RFTN1: variants seen among roughly 807,000 people sequenced by gnomAD.
The protein encoded by RFTN1 is raftlin, lipid raft linker 1.
In RFTN1, 26 loss-of-function variants were observed where a neutral mutation model predicts 46.5. The observed-to-expected ratio is 0.56, with a 90% CI of 0.41 to 0.78. The LOEUF (loss-of-function observed/expected upper bound fraction) is 0.78, where lower values mean the gene tolerates loss of function less well. Ranked by LOEUF, RFTN1 falls within the 30% of genes least tolerant of loss-of-function variation. The pLI is 0.00. For synonymous variants in RFTN1, 261 were observed against 284.2 expected (o/e 0.92, Z 0.82); for missense variants, 693 against 718.7 (o/e 0.96, Z 0.41).
chr3:16,364,558 G>A (rs1405179294), intron 6 of RFTN1, among the ~76,000 whole-genome samples: 1 of 152,162 alleles, frequency 6.6e-6, no homozygotes. Context: ...CTCTGCCTCG[G>A]TGGTTAGGGT....
At chr3:16,319,194 G>A (rs1357504639) in intron 9 of RFTN1, among the ~76,000 whole-genome samples, 1 of 151,970 alleles carries the variant, frequency 6.6e-6, no homozygotes, top group Admixed American at 6.6e-5. Flanking sequence ...ATCATTTTAC[G>A]TGTTTTTAGA....
rs1199964264 is a variant in RFTN1 at position 16,459,089 on chromosome 3, G to A, written c.146-25052C>T. ...AGCTGGGACCACAGGTGTGCACCAT[G>A]CCCAGCTAATTTTTTGTATTTTTTG... On this transcript the variant is annotated intron_variant, in intron 2 of 9. Coordinates refer to ENST00000334133, the MANE Select transcript of RFTN1 (RefSeq NM_015150.2). The surrounding 1 kb of genome is among the most constrained non-coding windows in gnomAD (Gnocchi z 4.2). Among the ~76,000 whole-genome samples the A allele has an allele frequency of 6.6e-6, 1 of 152,038 alleles. No homozygotes were observed. The highest frequency in any genetic ancestry group is 6.5e-5 in the Admixed American group (1 of 15,270).
chr3:16,435,917 A>AATATATATATATATATATATATAT (rs10575645), intron 2 of RFTN1, among the ~76,000 whole-genome samples: 10 of 142,360 alleles, frequency 7.0e-5, no homozygotes, highest in African/African-American at 2.7e-4. Flanking sequence ...CAGAGATGTA[A>AATATATATATATATATATATATAT]ATATATATAT....
At chr3:16,419,711 G>C (rs2125465566) in intron 3 of RFTN1, among the ~76,000 whole-genome samples, 1 of 152,298 alleles carries the variant, frequency 6.6e-6, no homozygotes, top group South Asian at 2.1e-4. Flanking sequence ...AAATAGTCAA[G>C]TAAACAAATC....
At position 16,481,244 on chromosome 3, in the gene RFTN1, A is replaced by G. The variant is rs1293204096; in HGVS notation, c.145+12481T>C. 2.6e-5 allele frequency among the ~76,000 whole-genome samples: 4 copies of G among 152,372 alleles called. No homozygotes were observed. The highest frequency in any genetic ancestry group is 3.4e-3 in the Middle Eastern group (1 of 294). ...AATAGCAGACTTGGTCGCAACATCA[A>G]AAGCAACAATACCAAAGATGAATAT... is the stretch of plus-strand genomic sequence containing the variant. On this transcript the variant is annotated intron_variant, in intron 2 of 9. Transcript: ENST00000334133. This position sits in a 1 kb window ranked among gnomAD's most constrained non-coding sequence, Gnocchi z 5.1.
At chr3:16,360,182 T>G (rs1268105887) in intron 6 of RFTN1, among the ~76,000 whole-genome samples, 2 of 152,184 alleles carry the variant, frequency 1.3e-5, no homozygotes, top group South Asian at 2.1e-4. Context: ...TTCTTTTTTT[T>G]TTTGTTTGAG....
At chr3:16,501,484 T>G (rs1022622847) in intron 1 of RFTN1, among the ~76,000 whole-genome samples, 2 of 152,232 alleles carry the variant, frequency 1.3e-5, no homozygotes, top group African/African-American at 4.8e-5. Context: ...CAAATTAGCT[T>G]CATTAAGAGT....
rs2075986001 is a variant in RFTN1 at position 16,460,338 on chromosome 3, C to CT, written c.146-26302dup. Among the ~76,000 whole-genome samples, 1 of 152,110 alleles carries CT rather than the reference C, an allele frequency of 6.6e-6. No homozygotes were observed. Among genetic ancestry groups the CT allele is most frequent in the Non-Finnish European group, 1.5e-5 (1 of 68,008 alleles). On this transcript the variant is annotated intron_variant, in intron 2 of 9. Transcript: ENST00000334133. This position sits in a 1 kb window ranked among gnomAD's most constrained non-coding sequence, Gnocchi z 4.8. ...TTTAGAAACAAATTCCTCCTTTCTT[C>CT]TTTTTTTCTGCTGCCAAAGCCCAAT...
intron 4 of RFTN1, among the ~76,000 whole-genome samples, chr3:16,394,713 T>C (rs4452312): frequency 0.17 from 25,219 of 147,996 alleles, 2,364 homozygotes; most frequent in East Asian, 0.3. Context: ...TTGATGTTAT[T>C]TTCAATAAAA....
chr3:16,366,434 T>C (rs2073176262), intron 6 of RFTN1, among the ~76,000 whole-genome samples: 1 of 148,076 alleles, frequency 6.8e-6, no homozygotes, highest in South Asian at 2.3e-4. Context: ...GGCTGCTCTA[T>C]ATGTGGCCCC....
intron 2 of RFTN1, among the ~76,000 whole-genome samples, chr3:16,490,625 G>A (rs10865744): frequency 0.067 from 10,274 of 152,274 alleles, 494 homozygotes; most frequent in Middle Eastern, 0.13. Context: ...CAAGAGTGCC[G>A]ACATTCGCAT....
intron 4 of RFTN1, among the ~76,000 whole-genome samples, chr3:16,406,506 A>G (rs2074859621): frequency 6.6e-6 from 1 of 152,204 alleles, no homozygotes; most frequent in Non-Finnish European, 1.5e-5. Flanking sequence ...ACATCTGGAG[A>G]CACTGCGGGT....
intron 7 of RFTN1, chr3:16,349,600 A>G (rs1354569376): frequency 6.6e-6 from 1 of 152,280 alleles, no homozygotes; most frequent in Non-Finnish European, 1.5e-5. Context: ...AAGTTGCACA[A>G]GAAAAGGGTA....
In RFTN1 at chr3:16,465,558, T is replaced by C. The variant is rs1394780596; in HGVS notation, c.145+28167A>G. ...AAAGGCCACTTGCTTTCCCCTCTTC[T>C]GCTTTATACAAATACATGGTAATTT... On this transcript the variant is annotated intron_variant, in intron 2 of 9. Coordinates refer to ENST00000334133, the MANE Select transcript of RFTN1 (RefSeq NM_015150.2). The surrounding 1 kb of genome is among the most constrained non-coding windows in gnomAD (Gnocchi z 5.1). 2.0e-5 allele frequency among the ~76,000 whole-genome samples: 3 copies of C among 152,226 alleles called. No homozygotes were observed. In the East Asian group the frequency reaches 5.8e-4, roughly 29 times the overall value.
In RFTN1 at chr3:16,465,902, C is replaced by T. The variant is rs1025608456; in HGVS notation, c.145+27823G>A. Among the ~76,000 whole-genome samples the T allele has an allele frequency of 3.9e-5, 6 of 152,180 alleles. No homozygotes were observed. Among genetic ancestry groups the T allele is most frequent in the African/African-American group, 1.4e-4 (6 of 41,426 alleles). On this transcript the variant is annotated intron_variant, in intron 2 of 9. Transcript: ENST00000334133. The surrounding 1 kb of genome is among the most constrained non-coding windows in gnomAD (Gnocchi z 5.1). The stretch of plus-strand genomic sequence containing the variant: ...CCTTAAAAAAGAAACACAAACTCCT[C>T]TAAAAGTTGAGAAACAAAAAGCTCT...
At chr3:16,420,927 T>C (rs1324106218) in intron 3 of RFTN1, among the ~76,000 whole-genome samples, 1 of 152,172 alleles carries the variant, frequency 6.6e-6, no homozygotes, top group Non-Finnish European at 1.5e-5. Flanking sequence ...TCCCAGGTGA[T>C]GCTGATGCTG....
chr3:16,397,444 A>T (rs900936649), intron 4 of RFTN1, among the ~76,000 whole-genome samples: 1 of 152,196 alleles, frequency 6.6e-6, no homozygotes, highest in Non-Finnish European at 1.5e-5. Flanking sequence ...ACTACAGTTA[A>T]TAATATTTTA....
Position 16,370,132 on chromosome 3 carries a change from T to TG in RFTN1, c.973dup (p.His325ProfsTer20), listed in dbSNP as rs1360378667. 1 of 1,614,100 alleles carries TG rather than the reference T, an allele frequency of 6.2e-7. No homozygotes were observed. The highest frequency in any genetic ancestry group is 8.5e-7 in the Non-Finnish European group (1 of 1,180,032). ...CACCAGCATGCCTCCTTTCCGGAAG[T>TG]GGTCGCTCATGTGCTCTAACCAGTT... is the stretch of plus-strand genomic sequence containing the variant. On this transcript the variant is annotated frameshift_variant, in exon 6 of 10. Transcript: ENST00000334133. LOFTEE classifies it high-confidence loss of function. This position sits in a 1 kb window ranked among gnomAD's most constrained non-coding sequence, Gnocchi z 5.5.
chr3:16,336,514 G>A lies in RFTN1; in HGVS notation c.1147-9638C>T, dbSNP rs568789838. Among the ~76,000 whole-genome samples, 7 of 152,326 alleles carry A rather than the reference G, an allele frequency of 4.6e-5. No homozygotes were observed. Among genetic ancestry groups the A allele is most frequent in the African/African-American group, 9.6e-5 (4 of 41,570 alleles). On this transcript the variant is annotated intron_variant, in intron 7 of 9. Coordinates refer to ENST00000334133, the MANE Select transcript of RFTN1 (RefSeq NM_015150.2). This position sits in a 1 kb window ranked among gnomAD's most constrained non-coding sequence, Gnocchi z 6.0. ...GGAGGGAGGGACAGGCACGCTGGCC[G>A]GCTAGAGATGTTGTTTTCTCCTTTG... is the stretch of plus-strand genomic sequence containing the variant.
Sources: gnomAD v4.1 joint callset for allele counts (sites outside exome capture counted in the v4.1 genomes callset) on GRCh38, gnomAD v4.1.1 for gene constraint, Gnocchi (gnomAD v3.1) non-coding constraint, MANE v1.5 for transcripts, NCBI Gene and HGNC (gene_info 2026-07-23, HGNC 2026-07-21) for gene names.